Variants in FGD4 observed in about 807,000 individuals in gnomAD.
The protein encoded by FGD4 is FYVE, RhoGEF and PH domain containing 4, also known as FYVE, RhoGEF and PH domain-containing protein 4.
FGD4 carries 42 observed loss-of-function variants against 102.0 expected under a neutral mutation model. The observed-to-expected ratio is 0.41, with a 90% CI of 0.32 to 0.53. The LOEUF (loss-of-function observed/expected upper bound fraction) is 0.53. Among genes scored for constraint, FGD4 ranks in the 20% least tolerant of loss-of-function variants. FGD4 has a pLI of 0.21. For missense variants in FGD4, 902 were observed against 1,078.2 expected, an observed-to-expected ratio of 0.84 and a Z score of 2.29; for synonymous variants, 380 against 375.7, an observed-to-expected ratio of 1.01 and a Z score of -0.13.
At chr12:32,509,650 G>A (rs1041760645) in intron 1 of FGD4, among the ~76,000 whole-genome samples, 2 of 152,122 alleles carry the variant, frequency 1.3e-5, no homozygotes, top group Non-Finnish European at 2.9e-5. Flanking sequence ...GAGAACACAT[G>A]GTTGCAAGAA....
intron 10 of FGD4, among the ~76,000 whole-genome samples, chr12:32,614,304 A>G (rs1283495916): frequency 6.6e-6 from 1 of 152,192 alleles, no homozygotes; most frequent in Non-Finnish European, 1.5e-5. Context: ...TTGTAACAGG[A>G]GATGAAACAT....
At chr12:32,575,780 TG>T (rs1946079536) in intron 2 of FGD4, among the ~76,000 whole-genome samples, 1 of 152,238 alleles carries the variant, frequency 6.6e-6, no homozygotes, top group Admixed American at 6.5e-5. Context: ...AATGCAACAT[TG>T]TATTACTGTT....
intron 1 of FGD4, among the ~76,000 whole-genome samples, chr12:32,560,831 C>T (rs1944484586): frequency 6.6e-6 from 1 of 151,696 alleles, no homozygotes; most frequent in Non-Finnish European, 1.5e-5. Flanking sequence ...TAGCTGGGAC[C>T]ACAAGCGCGC....
chr12:32,465,953 A>G (rs1943242265), intron 1 of FGD4, among the ~76,000 whole-genome samples: 1 of 151,960 alleles, frequency 6.6e-6, no homozygotes, highest in African/African-American at 2.4e-5. Context: ...TACTTTTTAA[A>G]TTTTTGTAGT....
intron 1 of FGD4, among the ~76,000 whole-genome samples, chr12:32,536,357 G>A (rs114822945): frequency 0.011 from 1,662 of 152,260 alleles, 29 homozygotes; most frequent in African/African-American, 0.037. Flanking sequence ...AGAGTAGATA[G>A]GAGACTCCTG....
In FGD4 at chr12:32,645,272, C is replaced by G. The variant is rs1218906078; in HGVS notation, c.*4739C>G. On this transcript the variant is annotated 3_prime_UTR_variant, in exon 17 of 17. Coordinates refer to ENST00000534526, the MANE Select transcript of FGD4 (RefSeq NM_001370298.3). ...GGGTTCTCTTCATTAGCAAAACAGT[C>G]ATGTCTGTCTGTATATAAGACTTTT... 6.6e-6 allele frequency: 1 copy of G among 152,032 alleles called. No homozygotes were observed. Among genetic ancestry groups the G allele is most frequent in the Non-Finnish European group, 1.5e-5 (1 of 68,012 alleles). 9.4% of individuals were successfully genotyped at this position (152,032 alleles called of 1,614,324 possible).
intron 1 of FGD4, among the ~76,000 whole-genome samples, chr12:32,516,946 C>T (rs973238585): frequency 5.3e-5 from 8 of 152,106 alleles, no homozygotes; most frequent in Non-Finnish European, 8.8e-5. Context: ...CTCCGTAATA[C>T]TGTAGTAGAT....
chr12:32,411,469 G>C (rs1565724656), intron 1 of FGD4, among the ~76,000 whole-genome samples: 1 of 151,992 alleles, frequency 6.6e-6, no homozygotes, highest in Non-Finnish European at 1.5e-5. Flanking sequence ...GAGAGGCAGA[G>C]GTTGCGGTGA....
In FGD4 at chr12:32,544,599, G is replaced by C. The variant is rs1020391524; in HGVS notation, c.167-19538G>C. On this transcript the variant is annotated intron_variant, in intron 1 of 16. Coordinates refer to ENST00000534526, the MANE Select transcript of FGD4 (RefSeq NM_001370298.3). The surrounding 1 kb of genome is among the most constrained non-coding windows in gnomAD (Gnocchi z 4.1). ...AATACAAAAATGAGCCGGGCGTGGTGGCTCACACCTGTGGTTCCAGCTACT... is the reference window on the plus strand; with the variant it reads ...AATACAAAAATGAGCCGGGCGTGGTCGCTCACACCTGTGGTTCCAGCTACT... 6.6e-6 allele frequency among the ~76,000 whole-genome samples: 1 copy of C among 152,042 alleles called. No individual in the cohort carries two copies. The highest frequency in any genetic ancestry group is 1.5e-5 in the Non-Finnish European group (1 of 68,014).
intron 1 of FGD4, among the ~76,000 whole-genome samples, chr12:32,466,029 C>T (rs1467703847): frequency 3.9e-5 from 6 of 152,260 alleles, no homozygotes; most frequent in East Asian, 1.9e-4. Flanking sequence ...CCTCCCACCT[C>T]GGCCTCCCAA....
At chr12:32,480,460 C>T (rs1003122250) in intron 1 of FGD4, among the ~76,000 whole-genome samples, 2 of 151,740 alleles carry the variant, frequency 1.3e-5, no homozygotes, top group Non-Finnish European at 2.9e-5. Context: ...CAACGCCCAA[C>T]CTGTTTGTTT....
chr12:32,451,748 AAC>A lies in FGD4; in HGVS notation c.166+51793_166+51794del, dbSNP rs374982668. On this transcript the variant is annotated intron_variant, in intron 1 of 16. Transcript: ENST00000534526. ...ATGGCGAAACCCCGTCTCTACTAAA[AAC>A]ACAAAAAATTAGCCGGGTATAGTGG... Among the ~76,000 whole-genome samples the A allele has an allele frequency of 6.0e-3, 902 of 151,080 alleles. 15 individuals are homozygous for A. Among genetic ancestry groups the A allele is most frequent in the African/African-American group, 0.021 (863 of 41,060 alleles).
chr12:32,443,173 A>G (rs1383156369), intron 1 of FGD4, among the ~76,000 whole-genome samples: 1 of 152,130 alleles, frequency 6.6e-6, no homozygotes, highest in Non-Finnish European at 1.5e-5. Flanking sequence ...TTAGTTTGAT[A>G]TAAGTCCATA....
At chr12:32,605,899 G>GA (rs144397204) in intron 7 of FGD4, among the ~76,000 whole-genome samples, 3,410 of 152,300 alleles carry the variant, frequency 0.022, 121 homozygotes, top group African/African-American at 0.078. Flanking sequence ...CGATGGTGGT[G>GA]ATAGTGGTAG....
intron 10 of FGD4, among the ~76,000 whole-genome samples, chr12:32,612,579 TC>T (rs539666514): frequency 1.6e-3 from 246 of 152,338 alleles, no homozygotes; most frequent in African/African-American, 5.6e-3. Flanking sequence ...TATGATACTT[TC>T]GGAAATCCTC....
rs1555223360 is a variant in FGD4, at chr12:32,632,689, T to TTA, written c.2173-859_2173-858insAT. Among the ~76,000 whole-genome samples, 938 of 146,464 alleles carry TTA rather than the reference T, an allele frequency of 6.4e-3. 12 individuals are homozygous for TTA. The highest frequency in any genetic ancestry group is 0.022 in the African/African-American group (857 of 39,160). ...AGAGTAGCTTTATTTTTATTTTTAT[T>TTA]TTTATTTATTTATTTATTTATTTAT... On this transcript the variant is annotated intron_variant, in intron 14 of 16. Transcript: ENST00000534526.
chr12:32,546,160 G>T (rs369653999), intron 1 of FGD4, among the ~76,000 whole-genome samples: 32 of 152,262 alleles, frequency 2.1e-4, no homozygotes, highest in African/African-American at 7.2e-4. Context: ...AATGCTAATG[G>T]GTTCCCACAG....
chr12:32,577,062 C>T lies in FGD4; in HGVS notation c.503+613C>T, dbSNP rs1255857081. Reference sequence around the variant, plus strand: ...GTATTTATTAAATATAATTTATATTCTTTAGTCCCAATGTTTGGAAAAAAC... The same window carrying T: ...GTATTTATTAAATATAATTTATATTTTTTAGTCCCAATGTTTGGAAAAAAC... On this transcript the variant is annotated intron_variant, in intron 3 of 16. Transcript: ENST00000534526. Among the ~76,000 whole-genome samples, 3 of 152,010 alleles carry T rather than the reference C, an allele frequency of 2.0e-5. No homozygotes were observed. In the South Asian group the frequency reaches 6.2e-4, roughly 31 times the overall value.
intron 4 of FGD4, among the ~76,000 whole-genome samples, chr12:32,587,317 C>T (rs1319689874): frequency 6.6e-6 from 1 of 151,848 alleles, no homozygotes; most frequent in Non-Finnish European, 1.5e-5. Flanking sequence ...TGACCACTGA[C>T]ACATCACTTT....
Sources: allele counts gnomAD v4.1 joint callset (sites outside exome capture counted in the v4.1 genomes callset), GRCh38; gene constraint gnomAD v4.1.1; non-coding constraint Gnocchi (gnomAD v3.1); transcripts MANE v1.5; gene names NCBI Gene and HGNC (gene_info 2026-07-23, HGNC 2026-07-21).